SAMD12: variants seen among roughly 807,000 people sequenced by gnomAD.
The protein encoded by SAMD12 is sterile alpha motif domain containing 12.
SAMD12 carries 9 observed loss-of-function variants against 15.0 expected under a neutral mutation model. The ratio of observed to expected loss-of-function variants is 0.60; its 90% CI spans 0.36 to 1.05. The LOEUF (loss-of-function observed/expected upper bound fraction) is 1.05, where lower values mean the gene tolerates loss of function less well. Ranked by LOEUF, SAMD12 falls within the 50% of genes least tolerant of loss-of-function variation. SAMD12 has a pLI of 0.01. For missense variants in SAMD12, 230 were observed against 234.2 expected, an observed-to-expected ratio of 0.98 and a Z score of 0.12; for synonymous variants, 86 against 90.1, an observed-to-expected ratio of 0.96 and a Z score of 0.25.
In SAMD12 at chr8:118,378,420, GA is replaced by G. The variant is rs2130707041; in HGVS notation, c.*996del. On this transcript the variant is annotated 3_prime_UTR_variant, in exon 4 of 4. Coordinates refer to ENST00000314727, the MANE Select transcript of SAMD12 (RefSeq NM_207506.3). ...TAGTATACCAGTAAATTCACCATTG[GA>G]AATCTCTGAGGACAAAATGCAAATA... is the stretch of plus-strand genomic sequence containing the variant. The G allele has an allele frequency of 1.0e-6, 1 of 978,698 alleles. No individual in the cohort carries two copies. The highest frequency in any genetic ancestry group is 1.8e-5 in the African/African-American group (1 of 57,138). 60.6% of individuals were successfully genotyped at this position (978,698 alleles called of 1,614,324 possible). A position where few individuals can be genotyped will look rare whatever the true frequency, so the allele number is the denominator to read the frequency against.
intron 4 of SAMD12, among the ~76,000 whole-genome samples, chr8:118,321,300 TTTTTTTTTTGG>T (rs1265110484): frequency 0.072 from 4,876 of 68,096 alleles, 342 homozygotes; most frequent in African/African-American, 0.23. Flanking sequence ...TTTTTGTTTT[TTTTTTTTTTGG>T]TTTTTTTTTA....
the SAMD12 span, among the ~76,000 whole-genome samples, chr8:118,175,241 AG>A: frequency 3.7e-4 from 56 of 152,316 alleles, no homozygotes; most frequent in African/African-American, 1.3e-3. Flanking sequence ...CAATAGGGAA[AG>A]GACTCCCTAT....
intron 1 of SAMD12, among the ~76,000 whole-genome samples, chr8:118,594,538 G>A (rs1325964912): frequency 6.6e-6 from 1 of 152,134 alleles, no homozygotes; most frequent in Non-Finnish European, 1.5e-5. Context: ...TGATATAGTG[G>A]TAAGGGGAGG....
intron 1 of SAMD12, among the ~76,000 whole-genome samples, chr8:118,604,288 T>C (rs1488934439): frequency 2.0e-5 from 3 of 152,218 alleles, no homozygotes; most frequent in Admixed American, 2.0e-4. Context: ...AATATTTATC[T>C]ATATTTGTAT....
At chr8:118,266,500 G>A (rs1045479059) in intron 4 of SAMD12, among the ~76,000 whole-genome samples, 4 of 152,030 alleles carry the variant, frequency 2.6e-5, no homozygotes, top group Non-Finnish European at 5.9e-5. Flanking sequence ...TATATTCAAG[G>A]GATATTAAAC....
chr8:118,247,202 A>C (rs1449212370), intron 4 of SAMD12, among the ~76,000 whole-genome samples: 2 of 152,126 alleles, frequency 1.3e-5, no homozygotes, highest in African/African-American at 4.8e-5. Context: ...GAAATCTAAA[A>C]AAGTTGAACT....
intron 4 of SAMD12, among the ~76,000 whole-genome samples, chr8:118,363,650 C>T (rs1370411994): frequency 6.6e-6 from 1 of 152,204 alleles, no homozygotes; most frequent in Non-Finnish European, 1.5e-5. Context: ...TTGCCAACTG[C>T]AGATCTTGGG....
At position 118,576,326 on chromosome 8, in the gene SAMD12, GA is replaced by G. The variant is rs1194698577; in HGVS notation, c.192+4388del. Among the ~76,000 whole-genome samples, 3 of 152,156 alleles carry G rather than the reference GA, an allele frequency of 2.0e-5. No homozygotes were observed. The South Asian group carries it at 6.2e-4, about 32-fold the overall frequency. On this transcript the variant is annotated intron_variant, in intron 2 of 3. Transcript: ENST00000314727. ...CTAGTGGCTATTGTATTGAACAATGGAGGTGAAAAGTAAATCCATGCTACTC... is the reference window on the plus strand; with the variant it reads ...CTAGTGGCTATTGTATTGAACAATGGGGTGAAAAGTAAATCCATGCTACTC...
At chr8:118,376,264 G>A (rs918736738), downstream of SAMD12, among the ~76,000 whole-genome samples, 1 of 152,090 alleles carries the variant, frequency 6.6e-6, no homozygotes. Context: ...AAATATTAAT[G>A]CAATTGTCTA....
At chr8:118,486,444 A>C (rs1003240710) in intron 2 of SAMD12, among the ~76,000 whole-genome samples, 20 of 151,944 alleles carry the variant, frequency 1.3e-4, no homozygotes, top group Admixed American at 3.9e-4. Context: ...AGAGTAGCAA[A>C]AGATGGGGTT....
intron 4 of SAMD12, among the ~76,000 whole-genome samples, chr8:118,277,496 C>A (rs1408244245): frequency 6.6e-6 from 1 of 151,322 alleles, no homozygotes; most frequent in Non-Finnish European, 1.5e-5. Flanking sequence ...TTGATGCAAT[C>A]ATTTCCTTAT....
chr8:118,430,419 G>C (rs181375740), intron 3 of SAMD12, among the ~76,000 whole-genome samples: 3 of 151,576 alleles, frequency 2.0e-5, no homozygotes, highest in Admixed American at 1.3e-4. Context: ...CTGGAGGGCA[G>C]TGGCATGATC....
At chr8:118,386,838 G>C (rs2130738270) in intron 3 of SAMD12, among the ~76,000 whole-genome samples, 1 of 152,358 alleles carries the variant, frequency 6.6e-6, no homozygotes, top group Middle Eastern at 3.4e-3. Flanking sequence ...GGAAATGACA[G>C]GGGAAGCTGG....
rs1293475658 is a variant in SAMD12 at position 118,286,955 on chromosome 8, C to G, written c.434-89223G>C. On this transcript the variant is annotated intron_variant, in intron 4 of 4. Coordinates refer to the SAMD12 transcript ENST00000409003. The stretch of plus-strand genomic sequence containing the variant: ...ATGTGCCTGAAGGTGCACTGAAGCA[C>G]CTCACTCATTCCTGCCTTGTTCTAG... Among the ~76,000 whole-genome samples the G allele has an allele frequency of 1.1e-4, 16 of 152,108 alleles. 1 individual carries two copies. The highest frequency in any genetic ancestry group is 2.4e-4 in the Non-Finnish European group (16 of 68,018).
intron 4 of SAMD12, among the ~76,000 whole-genome samples, chr8:118,237,126 C>T (rs1428830517): frequency 6.6e-6 from 1 of 152,190 alleles, no homozygotes. Flanking sequence ...TCCATTCAAT[C>T]CTTGCAACAA....
chr8:118,321,152 T>A (rs1181254530), intron 4 of SAMD12, among the ~76,000 whole-genome samples: 30 of 33,316 alleles, frequency 9.0e-4, no homozygotes, highest in African/African-American at 5.5e-3. Context: ...TAAATATATA[T>A]ATATATATAT....
chr8:118,212,108 A>G (rs921363341), intron 4 of SAMD12, among the ~76,000 whole-genome samples: 1 of 151,618 alleles, frequency 6.6e-6, no homozygotes, highest in African/African-American at 2.4e-5. Flanking sequence ...ATATTTCATT[A>G]AATCCAAGAT....
chr8:118,441,600 TTA>T (rs890899420), intron 2 of SAMD12, among the ~76,000 whole-genome samples: 2 of 152,202 alleles, frequency 1.3e-5, no homozygotes, highest in African/African-American at 4.8e-5. Context: ...AAAGATGATT[TTA>T]TATATGTCCA....
chr8:118,594,730 G>A (rs1448632180), intron 1 of SAMD12, among the ~76,000 whole-genome samples: 3 of 152,040 alleles, frequency 2.0e-5, no homozygotes, highest in African/African-American at 7.2e-5. Context: ...TTTTCACTAA[G>A]CAGGTGGAAA....
Sources: gnomAD v4.1 joint callset for allele counts (sites outside exome capture counted in the v4.1 genomes callset) on GRCh38, gnomAD v4.1.1 for gene constraint, MANE v1.5 for transcripts, NCBI Gene and HGNC (gene_info 2026-07-23, HGNC 2026-07-21) for gene names.